The following XIRP2 variants were observed in gnomAD, a reference collection of about 807,000 sequenced individuals.
XIRP2 encodes xin actin-binding repeat-containing protein 2.
In XIRP2, 236 loss-of-function variants were observed where a neutral mutation model predicts 277.0. The ratio of observed to expected loss-of-function variants is 0.85; its 90% CI spans 0.77 to 0.95. The LOEUF is 0.95. Among genes scored for constraint, XIRP2 ranks in the 40% least tolerant of loss-of-function variants. The pLI is 0.00. For synonymous variants in XIRP2, 1,490 were observed against 1,416.5 expected (o/e 1.05, Z -1.17); for missense variants, 4,640 against 4,157.5 (o/e 1.12, Z -3.19).
rs548850455 is a variant in XIRP2 at position 167,108,176 on chromosome 2, A to T, written c.409-27733A>T. Among the ~76,000 whole-genome samples the T allele has an allele frequency of 2.6e-5, 4 of 151,980 alleles. No homozygotes were observed. The South Asian group carries it at 8.3e-4, about 32-fold the overall frequency. On this transcript the variant is annotated intron_variant, in intron 2 of 10. Transcript: ENST00000409195. The stretch of plus-strand genomic sequence containing the variant: ...TTCCTTTCTTATTCTTTCAATATCC[A>T]CAAGTTATGTATTAATAGTATCTCT...
At chr2:167,192,764 AG>A (rs1275614383) in intron 3 of XIRP2, among the ~76,000 whole-genome samples, 1 of 152,144 alleles carries the variant, frequency 6.6e-6, no homozygotes, top group African/African-American at 2.4e-5. Context: ...GTCCAGCAGC[AG>A]TTTCCAACTG....
intron 2 of XIRP2, among the ~76,000 whole-genome samples, chr2:166,942,796 AAG>A (rs1685754929): frequency 1.3e-5 from 2 of 152,280 alleles, no homozygotes; most frequent in South Asian, 4.1e-4. Flanking sequence ...TACAAAATAA[AAG>A]CCTTGAAGAG....
chr2:167,104,129 T>C (rs996809395), intron 2 of XIRP2, among the ~76,000 whole-genome samples: 1 of 152,150 alleles, frequency 6.6e-6, no homozygotes, highest in African/African-American at 2.4e-5. Context: ...TAATTCTCCT[T>C]AAGAAGAAAT....
chr2:167,205,604 A>C (rs954158363), intron 3 of XIRP2, among the ~76,000 whole-genome samples: 3 of 152,108 alleles, frequency 2.0e-5, no homozygotes, highest in Non-Finnish European at 4.4e-5. Context: ...ATCTCATTTA[A>C]TATATGAATA....
chr2:166,968,151 G>A (rs868621679), intron 2 of XIRP2, among the ~76,000 whole-genome samples: 2 of 151,926 alleles, frequency 1.3e-5, no homozygotes, highest in Non-Finnish European at 2.9e-5. Flanking sequence ...GATGGAATGA[G>A]CTTCTTAGAA....
chr2:167,258,673 T>G lies in XIRP2; in HGVS notation c.*856T>G. On this transcript the variant is annotated 3_prime_UTR_variant, in exon 11 of 11. Transcript: ENST00000409195. Reference sequence around the variant, plus strand: ...AAGAAAATTTGAATAAGAATAATAATAACAATTATGTAGCAGTCTCATATC... The same window carrying G: ...AAGAAAATTTGAATAAGAATAATAAGAACAATTATGTAGCAGTCTCATATC... The G allele has an allele frequency of 1.2e-6, 2 of 1,611,632 alleles. No homozygotes were observed. Among genetic ancestry groups the G allele is most frequent in the Non-Finnish European group, 1.7e-6 (2 of 1,179,004 alleles).
intron 2 of XIRP2, among the ~76,000 whole-genome samples, chr2:166,974,661 A>C (rs1224285694): frequency 1.3e-5 from 2 of 152,078 alleles, no homozygotes; most frequent in Non-Finnish European, 2.9e-5. Context: ...TAGAGTTAAA[A>C]GGAGTTAAAA....
chr2:167,068,668 TG>T (rs1054327766), intron 2 of XIRP2, among the ~76,000 whole-genome samples: 6 of 152,068 alleles, frequency 3.9e-5, no homozygotes, highest in Admixed American at 1.3e-4. Flanking sequence ...GCTTGAGTAT[TG>T]TATAAAAGCA....
chr2:167,162,106 G>C (rs1001048616), intron 3 of XIRP2, among the ~76,000 whole-genome samples: 35 of 152,246 alleles, frequency 2.3e-4, no homozygotes, highest in East Asian at 9.7e-4. Context: ...CCCTCAGCCT[G>C]AATTTCATTC....
intron 2 of XIRP2, among the ~76,000 whole-genome samples, chr2:166,940,034 C>T (rs1280935874): frequency 6.6e-6 from 1 of 152,234 alleles, no homozygotes; most frequent in East Asian, 1.9e-4. Flanking sequence ...TAATATCCTG[C>T]AGAGTGTTTT....
chr2:166,898,468 A>C (rs1684298901), intron 1 of XIRP2, among the ~76,000 whole-genome samples: 1 of 152,110 alleles, frequency 6.6e-6, no homozygotes, highest in South Asian at 2.1e-4. Context: ...TGACTACCTA[A>C]TCACTTTTTT....
chr2:167,005,666 A>T (rs934323969), intron 2 of XIRP2, among the ~76,000 whole-genome samples: 1 of 151,824 alleles, frequency 6.6e-6, no homozygotes, highest in Non-Finnish European at 1.5e-5. Context: ...AACTGTTATC[A>T]ATTTACCCAG....
intron 2 of XIRP2, among the ~76,000 whole-genome samples, chr2:166,963,270 T>C (rs1686344722): frequency 6.6e-6 from 1 of 151,370 alleles, no homozygotes; most frequent in African/African-American, 2.4e-5. Context: ...ATATGACTAT[T>C]TATATATTTA....
At chr2:167,064,878 C>T (rs903358327) in intron 2 of XIRP2, among the ~76,000 whole-genome samples, 6 of 151,800 alleles carry the variant, frequency 4.0e-5, no homozygotes, top group Non-Finnish European at 7.4e-5. Flanking sequence ...AGGTATATAC[C>T]TCATTTTGTT....
intron 3 of XIRP2, among the ~76,000 whole-genome samples, chr2:167,160,035 G>A (rs138734996): frequency 1.1e-3 from 173 of 152,062 alleles, no homozygotes; most frequent in African/African-American, 3.6e-3. Context: ...AAGTAATTGC[G>A]CAAACAAGCT....
Position 167,251,555 on chromosome 2 carries a change from A to G in XIRP2, c.10163A>G (p.Asp3388Gly). The change falls in exon 9 of 11, where the codon GAC (aspartate) becomes GGC (glycine). Residue 3388 changes from aspartate (D) to glycine (G), a missense_variant. Transcript: ENST00000409195. ...TCTTTAGGAAACACGAGTTTTACAG[A>G]CTTTTCTTGCAAACATCCTAGAGAA... ...LTSLGNTSFTDFSCKHPRELR... is the reference protein window; with the variant it reads ...LTSLGNTSFTGFSCKHPRELR... 6.2e-7 allele frequency: 1 copy of G among 1,613,522 alleles called. No individual in the cohort carries two copies. The highest frequency in any genetic ancestry group is 8.5e-7 in the Non-Finnish European group (1 of 1,179,622).
chr2:167,218,985 T>G (rs549880842), intron 5 of XIRP2, among the ~76,000 whole-genome samples: 1 of 152,248 alleles, frequency 6.6e-6, no homozygotes, highest in African/African-American at 2.4e-5. Flanking sequence ...TAGGCCCATG[T>G]TTTCCATGAG....
At position 167,243,252 on chromosome 2, in the gene XIRP2, GT is replaced by G; in HGVS notation, c.1863del (p.Phe621LeufsTer17). 6.2e-7 allele frequency: 1 copy of G among 1,613,708 alleles called. No individual in the cohort carries two copies. The highest frequency in any genetic ancestry group is 8.5e-7 in the Non-Finnish European group (1 of 1,179,798). ...GTGATGTGAAATATACCACATGGATGTTTGAAACCCAACCCATCGACACACT... is the reference window on the plus strand; with the variant it reads ...GTGATGTGAAATATACCACATGGATGTTGAAACCCAACCCATCGACACACT... ...GGDVKYTTWM[F>X]ETQPIDTLGA... On this transcript the variant is annotated frameshift_variant, in exon 9 of 11. Transcript: ENST00000409195. LOFTEE classifies it high-confidence loss of function.
intron 2 of XIRP2, among the ~76,000 whole-genome samples, chr2:167,105,549 A>G (rs1307118736): frequency 6.6e-6 from 1 of 151,800 alleles, no homozygotes; most frequent in South Asian, 2.1e-4. Context: ...TTAACTATTC[A>G]CTCCTTGAAG....
Sources: gnomAD v4.1 joint callset for allele counts (sites outside exome capture counted in the v4.1 genomes callset) on GRCh38, gnomAD v4.1.1 for gene constraint, MANE v1.5 for transcripts, NCBI Gene and HGNC (gene_info 2026-07-23, HGNC 2026-07-21) for gene names.